The following TBC1D22B variants were observed in gnomAD, a reference collection of about 807,000 sequenced individuals.
TBC1D22B encodes TBC1 domain family member 22B.
Under a neutral mutation model 69.1 loss-of-function variants are expected in TBC1D22B, and 32 were observed. The observed-to-expected ratio is 0.46, with a 90% CI of 0.35 to 0.62. The LOEUF (loss-of-function observed/expected upper bound fraction) is 0.62, where lower values mean the gene tolerates loss of function less well. Among genes scored for constraint, TBC1D22B ranks in the 20% least tolerant of loss-of-function variants. The probability of loss-of-function intolerance (pLI) is 0.00; values close to 1 mark genes in which losing one functional copy is unlikely to be tolerated. For synonymous variants in TBC1D22B, 206 were observed against 229.8 expected, an observed-to-expected ratio of 0.90 and a Z score of 0.94; for missense variants, 462 against 630.9, an observed-to-expected ratio of 0.73 and a Z score of 2.87.
chr6:37,268,052 C>G (rs1766361914), intron 1 of TBC1D22B, among the ~76,000 whole-genome samples: 1 of 152,226 alleles, frequency 6.6e-6, no homozygotes, highest in Non-Finnish European at 1.5e-5. Context: ...ATCCTTTTGC[C>G]ATGGTTTCTC....
intron 1 of TBC1D22B, among the ~76,000 whole-genome samples, chr6:37,258,990 C>T (rs1765962344): frequency 6.8e-6 from 1 of 146,090 alleles, no homozygotes; most frequent in Non-Finnish European, 1.5e-5. Flanking sequence ...AGATGAGGGT[C>T]AGTAGTGGCT....
intron 12 of TBC1D22B, among the ~76,000 whole-genome samples, chr6:37,322,330 G>A (rs1447421080): frequency 6.6e-6 from 1 of 152,170 alleles, no homozygotes; most frequent in East Asian, 1.9e-4. Context: ...CTGAGGTCAG[G>A]AGTTCAAGAC....
chr6:37,293,081 A>AT lies in TBC1D22B; in HGVS notation c.982+1726dup, dbSNP rs201611923. On this transcript the variant is annotated intron_variant, in intron 8 of 12. Coordinates refer to ENST00000373491, the MANE Select transcript of TBC1D22B (RefSeq NM_017772.4). ...ACTTTTCATTATTATTATTATTATT[A>AT]TTATTTTTTTTTTTGAGACAGAGTC... 1.4e-3 allele frequency among the ~76,000 whole-genome samples: 201 copies of AT among 143,922 alleles called. 2 individuals are homozygous for AT. Among genetic ancestry groups the AT allele is most frequent in the African/African-American group, 3.6e-3 (126 of 35,404 alleles). 94.4% of individuals were successfully genotyped at this position (143,922 alleles called of 152,430 possible). A position where few individuals can be genotyped will look rare whatever the true frequency, so the allele number is the denominator to read the frequency against.
intron 2 of TBC1D22B, among the ~76,000 whole-genome samples, chr6:37,278,560 T>C (rs1232569095): frequency 6.6e-6 from 1 of 152,144 alleles, no homozygotes; most frequent in Non-Finnish European, 1.5e-5. Context: ...TCGACATAGT[T>C]ACTGCTGCTC....
chr6:37,261,260 C>CTGTTGG (rs1766092031), intron 1 of TBC1D22B, among the ~76,000 whole-genome samples: 1 of 151,786 alleles, frequency 6.6e-6, no homozygotes, highest in Non-Finnish European at 1.5e-5. Flanking sequence ...GGTGAAACCC[C>CTGTTGG]CCATCTCTAC....
intron 8 of TBC1D22B, among the ~76,000 whole-genome samples, chr6:37,295,370 T>G (rs1429774825): frequency 1.3e-5 from 2 of 152,186 alleles, no homozygotes; most frequent in African/African-American, 4.8e-5. Context: ...CCTCCCAAAG[T>G]CCTGAGAGTA....
chr6:37,294,949 A>G (rs1767310884), intron 8 of TBC1D22B, among the ~76,000 whole-genome samples: 1 of 152,246 alleles, frequency 6.6e-6, no homozygotes, highest in African/African-American at 2.4e-5. Flanking sequence ...TAGTAAAGCT[A>G]TAGCTGACAT....
chr6:37,273,551 A>G (rs1281000748), intron 2 of TBC1D22B, among the ~76,000 whole-genome samples: 1 of 152,210 alleles, frequency 6.6e-6, no homozygotes, highest in African/African-American at 2.4e-5. Context: ...AACTTTATAT[A>G]CTATTGTTTT....
chr6:37,284,747 A>T (rs1311576519), intron 6 of TBC1D22B, among the ~76,000 whole-genome samples: 1 of 152,248 alleles, frequency 6.6e-6, no homozygotes, highest in Non-Finnish European at 1.5e-5. Context: ...CCTAGAGATT[A>T]TGAGAAAATG....
chr6:37,261,368 G>A (rs1766095105), intron 1 of TBC1D22B, among the ~76,000 whole-genome samples: 1 of 149,664 alleles, frequency 6.7e-6, no homozygotes, highest in Non-Finnish European at 1.5e-5. Context: ...GGAGACGGAG[G>A]TTGCAGTGAA....
chr6:37,320,153 G>A (rs73732936), intron 12 of TBC1D22B, among the ~76,000 whole-genome samples: 4,877 of 152,302 alleles, frequency 0.032, 242 homozygotes, highest in African/African-American at 0.11. Flanking sequence ...AAAAGAGCCA[G>A]ATATAAAGGG....
chr6:37,290,864 G>C (rs1293120430), intron 7 of TBC1D22B, among the ~76,000 whole-genome samples: 1 of 152,050 alleles, frequency 6.6e-6, no homozygotes, highest in East Asian at 1.9e-4. Flanking sequence ...CATCAGAACT[G>C]GGATGTCCTG....
At chr6:37,270,738 T>C (rs1466469816) in intron 2 of TBC1D22B, among the ~76,000 whole-genome samples, 1 of 152,140 alleles carries the variant, frequency 6.6e-6, no homozygotes, top group Admixed American at 6.5e-5. Flanking sequence ...TCTGGCAAAG[T>C]TGTTGTTTGT....
intron 6 of TBC1D22B, 76 bp from the exon 7 acceptor site, chr6:37,286,931 C>A: frequency 7.5e-7 from 1 of 1,340,586 alleles, no homozygotes; most frequent in Non-Finnish European, 1.0e-6. Context: ...GGGACAAGAG[C>A]GAGACTTCAT....
chr6:37,321,912 A>T (rs889694770), intron 12 of TBC1D22B, among the ~76,000 whole-genome samples: 2 of 152,146 alleles, frequency 1.3e-5, no homozygotes, highest in African/African-American at 4.8e-5. Context: ...ACTTATGTAA[A>T]AAGTCATCAA....
At position 37,312,909 on chromosome 6, in the gene TBC1D22B, G is replaced by A. The variant is rs374371493; in HGVS notation, c.983-9G>A. 863 of 1,610,152 alleles carry A rather than the reference G, an allele frequency of 5.4e-4. 4 individuals carry two copies. Among genetic ancestry groups the A allele is most frequent in the Non-Finnish European group, 1.7e-5 (20 of 1,176,720 alleles). On this transcript the variant is annotated splice_polypyrimidine_tract_variant and intron_variant, in intron 8 of 12. Transcript: ENST00000373491. ...GACCTCTGGACTTTCTTCACCTTTT[G>A]TTTTACAGAAGAGGATGTGGAGAAC...
In TBC1D22B at chr6:37,331,676, C is replaced by T. The variant is rs1390124335; in HGVS notation, c.*504C>T. 1 of 153,376 alleles carries T rather than the reference C, an allele frequency of 6.5e-6. No individual in the cohort carries two copies. The highest frequency in any genetic ancestry group is 1.9e-4 in the East Asian group (1 of 5,214). 9.5% of individuals were successfully genotyped at this position (153,376 alleles called of 1,614,324 possible). On this transcript the variant is annotated 3_prime_UTR_variant, in exon 13 of 13. Coordinates refer to ENST00000373491, the MANE Select transcript of TBC1D22B (RefSeq NM_017772.4). ...CCAGTGAGGGGTAGCTTTTTAAAACCATTATTCTAGATGGAGGAGGCACTG... is the reference window on the plus strand; with the variant it reads ...CCAGTGAGGGGTAGCTTTTTAAAACTATTATTCTAGATGGAGGAGGCACTG...
intron 12 of TBC1D22B, 80 bp downstream of exon 12, chr6:37,317,286 A>G (rs1281830534): frequency 5.8e-6 from 8 of 1,383,900 alleles, no homozygotes; most frequent in Non-Finnish European, 7.0e-6. Flanking sequence ...GTGCAGACAG[A>G]AGGTGCCATA....
At chr6:37,290,022 C>T (rs372927952) in intron 7 of TBC1D22B, among the ~76,000 whole-genome samples, 58 of 152,262 alleles carry the variant, frequency 3.8e-4, no homozygotes, top group South Asian at 2.7e-3. Flanking sequence ...TCTGTTTGCC[C>T]GCTGTAGGCA....
Sources: gnomAD v4.1 joint callset for allele counts (sites outside exome capture counted in the v4.1 genomes callset) on GRCh38, gnomAD v4.1.1 for gene constraint, MANE v1.5 for transcripts, NCBI Gene and HGNC (gene_info 2026-07-23, HGNC 2026-07-21) for gene names.